Variants in TAFA2 observed in about 807,000 individuals in gnomAD.
TAFA2 encodes chemokine-like protein TAFA-2.
TAFA2 carries 7 observed loss-of-function variants against 18.8 expected under a neutral mutation model. That is an observed-to-expected ratio of 0.37 (90% CI 0.21 to 0.70). The LOEUF is 0.70. TAFA2 is among the 30% of genes least tolerant of loss of function. The probability of loss-of-function intolerance (pLI) is 0.53; values close to 1 mark genes in which losing one functional copy is unlikely to be tolerated. For synonymous variants in TAFA2, 60 were observed against 54.2 expected (o/e 1.11, Z -0.47); for missense variants, 122 against 158.1 (o/e 0.77, Z 1.23).
intron 1 of TAFA2, among the ~76,000 whole-genome samples, chr12:62,135,424 C>T (rs1322018340): frequency 2.0e-5 from 3 of 151,936 alleles, no homozygotes; most frequent in African/African-American, 7.2e-5. Context: ...CGCAAGATTG[C>T]CATCAGATTT....
intron 1 of TAFA2, among the ~76,000 whole-genome samples, chr12:62,223,972 T>C (rs977920586): frequency 1.3e-5 from 2 of 152,120 alleles, no homozygotes; most frequent in Non-Finnish European, 2.9e-5. Flanking sequence ...GGGACTTGAA[T>C]AGATATTTTT....
intron 1 of TAFA2, among the ~76,000 whole-genome samples, chr12:62,044,691 T>C (rs943970378): frequency 6.6e-5 from 10 of 152,108 alleles, no homozygotes; most frequent in African/African-American, 2.4e-4. Context: ...CCAAACAACA[T>C]GGGGGCCAAC....
chr12:62,158,940 T>G (rs1415085437), intron 1 of TAFA2, among the ~76,000 whole-genome samples: 1 of 152,214 alleles, frequency 6.6e-6, no homozygotes, highest in African/African-American at 2.4e-5. Flanking sequence ...AAAAAGGGAA[T>G]GTTCATCTTT....
chr12:62,103,129 T>C (rs1869283867), intron 1 of TAFA2, among the ~76,000 whole-genome samples: 1 of 152,208 alleles, frequency 6.6e-6, no homozygotes, highest in Non-Finnish European at 1.5e-5. Context: ...CTTTTAACAC[T>C]GTCATCTTAC....
intron 3 of TAFA2, 45 bp from the exon 4 acceptor site, chr12:61,753,791 C>G: frequency 7.7e-6 from 12 of 1,564,928 alleles, no homozygotes; most frequent in South Asian, 1.2e-5. Flanking sequence ...TTTCTTGGGA[C>G]TTATTTCTCT....
chr12:62,012,576 A>G (rs1880808542), intron 1 of TAFA2, among the ~76,000 whole-genome samples: 1 of 152,180 alleles, frequency 6.6e-6, no homozygotes, highest in African/African-American at 2.4e-5. Flanking sequence ...ACAATAGTAA[A>G]AAAGTCTCTA....
At chr12:61,944,273 C>A (rs1277662288) in intron 1 of TAFA2, among the ~76,000 whole-genome samples, 1 of 151,210 alleles carries the variant, frequency 6.6e-6, no homozygotes, top group African/African-American at 2.5e-5. Flanking sequence ...AAAGACACAA[C>A]ATACCAGACT....
intron 1 of TAFA2, among the ~76,000 whole-genome samples, chr12:61,952,917 T>C (rs1488256155): frequency 6.6e-6 from 1 of 152,048 alleles, no homozygotes; most frequent in African/African-American, 2.4e-5. Flanking sequence ...TTTCTCCTCT[T>C]TTATATTTTA....
At chr12:62,111,192 G>T (rs912554295) in intron 1 of TAFA2, among the ~76,000 whole-genome samples, 15 of 152,042 alleles carry the variant, frequency 9.9e-5, no homozygotes, top group Non-Finnish European at 1.0e-4. Flanking sequence ...TTGTGTCTTT[G>T]TTCTCATTGG....
intron 1 of TAFA2, among the ~76,000 whole-genome samples, chr12:61,937,235 C>G (rs2121408667): frequency 6.6e-6 from 1 of 152,218 alleles, no homozygotes; most frequent in South Asian, 2.1e-4. Context: ...CTGTTCAAAG[C>G]AACCTACAGA....
chr12:62,078,535 CA>C (rs1339984515), intron 1 of TAFA2, among the ~76,000 whole-genome samples: 16 of 152,186 alleles, frequency 1.1e-4, no homozygotes, highest in African/African-American at 2.9e-4. Context: ...AAATCACACC[CA>C]GGGGTGTAGA....
At chr12:62,143,951 G>A (rs980210839) in intron 1 of TAFA2, among the ~76,000 whole-genome samples, 1 of 150,736 alleles carries the variant, frequency 6.6e-6, no homozygotes, top group Admixed American at 6.6e-5. Context: ...GGGAGGCTGA[G>A]GTGGGAGGAT....
intron 1 of TAFA2, among the ~76,000 whole-genome samples, chr12:61,884,284 C>A (rs150391721): frequency 6.6e-6 from 1 of 152,070 alleles, no homozygotes; most frequent in Non-Finnish European, 1.5e-5. Flanking sequence ...TAGGTACCAG[C>A]GAGGCACTGG....
chr12:61,967,807 G>T (rs973907683), intron 1 of TAFA2, among the ~76,000 whole-genome samples: 1 of 151,712 alleles, frequency 6.6e-6, no homozygotes, highest in African/African-American at 2.4e-5. Context: ...AAATGAATGG[G>T]GAAAAAATAT....
intron 1 of TAFA2, among the ~76,000 whole-genome samples, chr12:61,968,585 A>G (rs1229645591): frequency 1.3e-5 from 2 of 151,742 alleles, no homozygotes; most frequent in Non-Finnish European, 2.9e-5. Context: ...TTGCTTGTCT[A>G]TATTTTCAGG....
intron 1 of TAFA2, among the ~76,000 whole-genome samples, chr12:61,897,689 A>G (rs1001459803): frequency 2.0e-5 from 3 of 152,134 alleles, no homozygotes; most frequent in African/African-American, 7.2e-5. Flanking sequence ...CCCTTGACAC[A>G]TGGGGAATAT....
intron 1 of TAFA2, among the ~76,000 whole-genome samples, chr12:61,881,213 A>T (rs1476812718): frequency 6.6e-6 from 1 of 152,170 alleles, no homozygotes; most frequent in African/African-American, 2.4e-5. Context: ...TTATTTGCCA[A>T]TATAATATTA....
chr12:62,168,945 T>TAC (rs147184565), intron 1 of TAFA2, among the ~76,000 whole-genome samples: 10,980 of 148,842 alleles, frequency 0.074, 759 homozygotes, highest in African/African-American at 0.17. Context: ...ACTCACTCTC[T>TAC]ACACACACAC....
At chr12:61,939,911 C>T (rs1490288477) in intron 1 of TAFA2, among the ~76,000 whole-genome samples, 1 of 152,166 alleles carries the variant, frequency 6.6e-6, no homozygotes, top group African/African-American at 2.4e-5. Flanking sequence ...TAAAATAGAA[C>T]AGCTTACCTG....
Sources: gnomAD v4.1 joint callset for allele counts (sites outside exome capture counted in the v4.1 genomes callset) on GRCh38, gnomAD v4.1.1 for gene constraint, MANE v1.5 for transcripts, NCBI Gene and HGNC (gene_info 2026-07-23, HGNC 2026-07-21) for gene names.